The following ADRA1A variants were observed in gnomAD, a reference collection of about 807,000 sequenced individuals.
ADRA1A encodes the protein alpha-1A adrenergic receptor.
Under a neutral mutation model 29.6 loss-of-function variants are expected in ADRA1A, and 31 were observed. That is an observed-to-expected ratio of 1.05 (90% CI 0.79 to 1.41). The LOEUF (loss-of-function observed/expected upper bound fraction) is 1.41, where lower values mean the gene tolerates loss of function less well. Among genes scored for constraint, ADRA1A ranks in the 40% most tolerant of loss-of-function variants. The pLI, the probability that ADRA1A is intolerant of heterozygous loss-of-function variation, is 0.00. For synonymous variants in ADRA1A, 311 were observed against 254.3 expected (o/e 1.22, Z -2.12); for missense variants, 619 against 601.1 (o/e 1.03, Z -0.31).
intron 2 of ADRA1A, among the ~76,000 whole-genome samples, chr8:26,827,623 T>A (rs770014998): frequency 5.7e-5 from 8 of 140,378 alleles, no homozygotes; most frequent in Non-Finnish European, 1.3e-4. Flanking sequence ...TTTTCTTTCT[T>A]TTTTTTTTCT....
intron 2 of ADRA1A, among the ~76,000 whole-genome samples, chr8:26,852,865 G>A (rs745404171): frequency 1.1e-4 from 16 of 152,208 alleles, no homozygotes; most frequent in Middle Eastern, 3.4e-3. Flanking sequence ...GTGCATTAAC[G>A]TAAAACAATA....
intron 2 of ADRA1A, among the ~76,000 whole-genome samples, chr8:26,854,829 C>T (rs1585845307): frequency 6.6e-6 from 1 of 152,144 alleles, no homozygotes; most frequent in Non-Finnish European, 1.5e-5. Context: ...GTGCCCCACC[C>T]CCGAAATTCC....
rs1813924581 is a variant in ADRA1A at position 26,866,642 on chromosome 8, G to A, written c.-687+294C>T. ...GGTGGGACCTCGGGCAAAGACTCTT[G>A]TTAAAATCGCAAGTTGGAGACCTCA... On this transcript the variant is annotated intron_variant, in intron 1 of 2. Transcript: ENST00000380573. This position sits in a 1 kb window ranked among gnomAD's most constrained non-coding sequence, Gnocchi z 5.7. Among the ~76,000 whole-genome samples, 1 of 152,144 alleles carries A rather than the reference G, an allele frequency of 6.6e-6. No individual in the cohort carries two copies. The highest frequency in any genetic ancestry group is 6.5e-5 in the Admixed American group (1 of 15,276).
intron 2 of ADRA1A, among the ~76,000 whole-genome samples, chr8:26,786,531 A>G (rs1368114753): frequency 6.6e-6 from 1 of 152,010 alleles, no homozygotes; most frequent in African/African-American, 2.4e-5. Flanking sequence ...TCAGCCTCCC[A>G]AAGTGCTGGG....
chr8:26,765,490 C>T (rs927884342), downstream of ADRA1A, among the ~76,000 whole-genome samples: 7 of 152,218 alleles, frequency 4.6e-5, no homozygotes, highest in Non-Finnish European at 8.8e-5. Context: ...GCCCAGCTCC[C>T]CAGCACAGTC....
rs149810611 is a variant in ADRA1A at position 26,770,635 on chromosome 8, T to C, written c.915A>G (p.Glu305=). 4.3e-6 allele frequency: 7 copies of C among 1,613,078 alleles called. No homozygotes were observed. The highest frequency in any genetic ancestry group is 5.1e-6 in the Non-Finnish European group (6 of 1,179,318). The change falls in exon 3 of 3, where the codon GAA becomes GAG. Residue 305 remains glutamate (E), a synonymous_variant. Coordinates refer to ENST00000380573, the MANE Select transcript of ADRA1A (RefSeq NM_000680.4). ...GSFFPDFKPS[E]TVFKIVFWLG... ...GCCAAAATACTATTTTAAAAACTGT[T>C]TCAGAGGGCTTGAAATCAGGGAAGA... is the stretch of plus-strand genomic sequence containing the variant.
chr8:26,795,250 T>G (rs1168475464), intron 2 of ADRA1A, among the ~76,000 whole-genome samples: 1 of 151,534 alleles, frequency 6.6e-6, no homozygotes, highest in Non-Finnish European at 1.5e-5. Flanking sequence ...GGAACTAACT[T>G]AAATGAACAA....
intron 2 of ADRA1A, among the ~76,000 whole-genome samples, chr8:26,855,202 AGT>A (rs889473412): frequency 4.8e-5 from 6 of 124,436 alleles, no homozygotes; most frequent in African/African-American, 9.8e-5. Context: ...TTTAACTAAA[AGT>A]GTGTGTGCAT....
rs1199240869 is a variant in ADRA1A at position 26,831,791 on chromosome 8, G to T, written c.883+32296C>A. Reference sequence around the variant, plus strand: ...TGCATGCAGCTTCCTTTCCATCCTTGCATCTTCTTTGCTGTCTAGTGCTCC... The same window carrying T: ...TGCATGCAGCTTCCTTTCCATCCTTTCATCTTCTTTGCTGTCTAGTGCTCC... On this transcript the variant is annotated intron_variant, in intron 2 of 2. Transcript: ENST00000380573. This position sits in a 1 kb window ranked among gnomAD's most constrained non-coding sequence, Gnocchi z 5.2. Among the ~76,000 whole-genome samples, 1 of 152,222 alleles carries T rather than the reference G, an allele frequency of 6.6e-6. No individual in the cohort carries two copies. The highest frequency in any genetic ancestry group is 1.9e-4 in the East Asian group (1 of 5,180).
At position 26,805,173 on chromosome 8, in the gene ADRA1A, G is replaced by A. The variant is rs141186400; in HGVS notation, c.884-34507C>T. Among the ~76,000 whole-genome samples, 6 of 152,310 alleles carry A rather than the reference G, an allele frequency of 3.9e-5. No individual in the cohort carries two copies. The highest frequency in any genetic ancestry group is 7.2e-5 in the African/African-American group (3 of 41,572). On this transcript the variant is annotated intron_variant, in intron 2 of 2. Coordinates refer to ENST00000380573, the MANE Select transcript of ADRA1A (RefSeq NM_000680.4). The surrounding 1 kb of genome is among the most constrained non-coding windows in gnomAD (Gnocchi z 4.8). ...CAGTTATATTGTGTCCCACTGTGAC[G>A]ACCAAGAATGGGGCTCTCACCTCTG...
At chr8:26,850,309 C>A (rs1393479120) in intron 2 of ADRA1A, among the ~76,000 whole-genome samples, 2 of 152,022 alleles carry the variant, frequency 1.3e-5, no homozygotes, top group African/African-American at 4.8e-5. Flanking sequence ...ATCAAGGGGA[C>A]CTCACGTCAT....
rs1808951312 is a variant in ADRA1A, at chr8:26,806,026, C to T, written c.884-35360G>A. Among the ~76,000 whole-genome samples the T allele has an allele frequency of 6.6e-6, 1 of 152,196 alleles. No individual in the cohort carries two copies. Among genetic ancestry groups the T allele is most frequent in the Non-Finnish European group, 1.5e-5 (1 of 68,034 alleles). On this transcript the variant is annotated intron_variant, in intron 2 of 2. Coordinates refer to ENST00000380573, the MANE Select transcript of ADRA1A (RefSeq NM_000680.4). This position sits in a 1 kb window ranked among gnomAD's most constrained non-coding sequence, Gnocchi z 4.6. ...TCCTTTTCTAGGACATTCCCTGAGG[C>T]CACTTGTGGCAGCCGCCAATGTGCT...
intron 2 of ADRA1A, among the ~76,000 whole-genome samples, chr8:26,840,516 A>G (rs1230406383): frequency 6.6e-6 from 1 of 152,086 alleles, no homozygotes; most frequent in Non-Finnish European, 1.5e-5. Flanking sequence ...AAAGACATTT[A>G]TGATGACCAC....
chr8:26,789,312 C>A (rs937737629), intron 2 of ADRA1A, among the ~76,000 whole-genome samples: 2 of 152,140 alleles, frequency 1.3e-5, no homozygotes, highest in Non-Finnish European at 2.9e-5. Context: ...TAAAAATAGA[C>A]ACATAGACCA....
At chr8:26,778,093 C>G (rs1464979825) in intron 2 of ADRA1A, among the ~76,000 whole-genome samples, 1 of 152,198 alleles carries the variant, frequency 6.6e-6, no homozygotes, top group Admixed American at 6.5e-5. Context: ...CTGGATGAGT[C>G]TGAGCTGCTG....
intron 2 of ADRA1A, among the ~76,000 whole-genome samples, chr8:26,776,704 G>T (rs1016988441): frequency 1.3e-5 from 2 of 152,168 alleles, no homozygotes; most frequent in Non-Finnish European, 2.9e-5. Flanking sequence ...AAAGAAGAGA[G>T]GGGAGTAGTA....
chr8:26,866,902 C>G lies in ADRA1A; in HGVS notation c.-687+34G>C. 1 of 985,448 alleles carries G rather than the reference C, an allele frequency of 1.0e-6. No homozygotes were observed. The highest frequency in any genetic ancestry group is 1.2e-6 in the Non-Finnish European group (1 of 829,974). 61.0% of individuals were successfully genotyped at this position (985,448 alleles called of 1,614,324 possible). On this transcript the variant is annotated intron_variant, in intron 1 of 2. Transcript: ENST00000380573. This position sits in a 1 kb window ranked among gnomAD's most constrained non-coding sequence, Gnocchi z 5.7. ...CGGGGGAGGTCTGCCCTCACCCACT[C>G]GGCCCTGCGGGACGCCGGCCCCGGC...
chr8:26,816,568 T>TGTGTGC (rs1491386057), intron 2 of ADRA1A, among the ~76,000 whole-genome samples: 5 of 148,040 alleles, frequency 3.4e-5, no homozygotes, highest in Non-Finnish European at 6.0e-5. Context: ...TGTGTGTGTG[T>TGTGTGC]GCATCCACAT....
intron 2 of ADRA1A, among the ~76,000 whole-genome samples, chr8:26,777,164 C>T (rs972829375): frequency 6.6e-6 from 1 of 152,172 alleles, no homozygotes; most frequent in Non-Finnish European, 1.5e-5. Flanking sequence ...TATGTGGGGC[C>T]ACTTGGGCAG....
Sources: gnomAD v4.1 joint callset for allele counts (sites outside exome capture counted in the v4.1 genomes callset) on GRCh38, gnomAD v4.1.1 for gene constraint, Gnocchi (gnomAD v3.1) non-coding constraint, MANE v1.5 for transcripts, NCBI Gene and HGNC (gene_info 2026-07-23, HGNC 2026-07-21) for gene names.